TMEM232: variants seen among roughly 807,000 people sequenced by gnomAD.
TMEM232 encodes the protein transmembrane protein 232.
In TMEM232, 80 loss-of-function variants were observed where a neutral mutation model predicts 78.8. The ratio of observed to expected loss-of-function variants is 1.01; its 90% CI spans 0.85 to 1.22. The LOEUF (loss-of-function observed/expected upper bound fraction) is 1.22, where lower values mean the gene tolerates loss of function less well. Among genes scored for constraint, TMEM232 ranks in the 50% most tolerant of loss-of-function variants. The probability of loss-of-function intolerance (pLI) is 0.00; values close to 1 mark genes in which losing one functional copy is unlikely to be tolerated. For missense variants in TMEM232, 881 were observed against 742.2 expected (o/e 1.19, Z -2.17); for synonymous variants, 297 against 254.3 (o/e 1.17, Z -1.60).
chr5:110,501,104 T>C (rs1016563556), intron 12 of TMEM232, among the ~76,000 whole-genome samples: 5 of 152,210 alleles, frequency 3.3e-5, no homozygotes, highest in African/African-American at 1.2e-4. Context: ...GTGACATTCT[T>C]CCCATTGTTT....
intron 12 of TMEM232, among the ~76,000 whole-genome samples, chr5:110,457,943 G>T (rs1335423951): frequency 6.6e-6 from 1 of 151,832 alleles, no homozygotes; most frequent in Admixed American, 6.6e-5. Context: ...ACCCCTTAAG[G>T]ATAGAAATTG....
intron 1 of TMEM232, among the ~76,000 whole-genome samples, chr5:110,690,633 C>A (rs1308336924): frequency 6.6e-6 from 1 of 152,154 alleles, no homozygotes; most frequent in Non-Finnish European, 1.5e-5. Flanking sequence ...GGTATATACC[C>A]AAAGGATTAT....
intron 1 of TMEM232, among the ~76,000 whole-genome samples, chr5:110,690,690 C>G (rs1794012358): frequency 6.6e-6 from 1 of 152,158 alleles, no homozygotes; most frequent in African/African-American, 2.4e-5. Flanking sequence ...CTTATTGCAG[C>G]ACTATTCACA....
chr5:110,401,035 AC>A (rs1174106976), intron 2 of TMEM232, among the ~76,000 whole-genome samples: 1 of 152,002 alleles, frequency 6.6e-6, no homozygotes, highest in African/African-American at 2.4e-5. Context: ...GTATCTTTGT[AC>A]CTTGCATCAC....
chr5:110,480,717 G>T (rs1763767495), intron 12 of TMEM232, among the ~76,000 whole-genome samples: 1 of 151,970 alleles, frequency 6.6e-6, no homozygotes, highest in Non-Finnish European at 1.5e-5. Flanking sequence ...TATACTATAG[G>T]AATGAGATGT....
chr5:110,655,825 A>G (rs1332817673), intron 2 of TMEM232, among the ~76,000 whole-genome samples: 1 of 148,912 alleles, frequency 6.7e-6, no homozygotes, highest in Admixed American at 6.8e-5. Flanking sequence ...CAAACACTGC[A>G]TGTTCTCACT....
intron 10 of TMEM232, among the ~76,000 whole-genome samples, chr5:110,595,282 A>C (rs1402156523): frequency 2.0e-5 from 3 of 152,224 alleles, no homozygotes; most frequent in African/African-American, 7.2e-5. Flanking sequence ...ATCAGCATCA[A>C]AGATCAAAGG....
intron 11 of TMEM232, among the ~76,000 whole-genome samples, chr5:110,554,648 C>G (rs1774860092): frequency 1.3e-5 from 2 of 151,664 alleles, no homozygotes; most frequent in African/African-American, 2.4e-5. Context: ...GTTTTGGTAT[C>G]ACAATGATGC....
intron 8 of TMEM232, among the ~76,000 whole-genome samples, chr5:110,607,884 G>A (rs1303341255): frequency 6.6e-6 from 1 of 151,950 alleles, no homozygotes; most frequent in South Asian, 2.1e-4. Context: ...TTTCAACAAG[G>A]AGGATAAAAA....
At chr5:110,391,291 A>ATGTGTGTGTGTG (rs369913835) in intron 3 of TMEM232, among the ~76,000 whole-genome samples, 60 of 130,664 alleles carry the variant, frequency 4.6e-4, no homozygotes, top group African/African-American at 9.0e-4. Context: ...TCCCGTTTGA[A>ATGTGTGTGTGTG]TGTGTGTGTG....
intron 10 of TMEM232, among the ~76,000 whole-genome samples, chr5:110,572,833 G>C (rs913648577): frequency 1.3e-5 from 2 of 152,052 alleles, no homozygotes; most frequent in African/African-American, 4.8e-5. Flanking sequence ...TATAAAGACA[G>C]ATGGTATGTG....
intron 12 of TMEM232, among the ~76,000 whole-genome samples, chr5:110,499,960 C>T (rs2149440409): frequency 6.6e-6 from 1 of 152,260 alleles, no homozygotes; most frequent in South Asian, 2.1e-4. Context: ...GTACCTAGAG[C>T]ATTTACTAAT....
intron 11 of TMEM232, among the ~76,000 whole-genome samples, chr5:110,544,386 G>T (rs1301048908): frequency 2.6e-5 from 3 of 116,416 alleles, no homozygotes; most frequent in Admixed American, 1.0e-4. Context: ...AATGCAGGAA[G>T]AAAATGCATA....
chr5:110,527,072 G>A (rs1380748469), intron 12 of TMEM232, among the ~76,000 whole-genome samples: 1 of 151,832 alleles, frequency 6.6e-6, no homozygotes, highest in Non-Finnish European at 1.5e-5. Flanking sequence ...AGAAATTACT[G>A]ATGTTATTAC....
intron 12 of TMEM232, among the ~76,000 whole-genome samples, chr5:110,481,926 C>T (rs2029338): frequency 0.33 from 49,454 of 151,994 alleles, 13,993 homozygotes; most frequent in African/African-American, 0.76. Flanking sequence ...TGGCTCTTAG[C>T]GCACACTAGC....
intron 11 of TMEM232, among the ~76,000 whole-genome samples, chr5:110,530,852 G>A (rs1302456698): frequency 1.3e-5 from 2 of 152,154 alleles, no homozygotes; most frequent in Non-Finnish European, 2.9e-5. Flanking sequence ...GAGAGTAGAT[G>A]TTAAATGTTC....
intron 1 of TMEM232, among the ~76,000 whole-genome samples, chr5:110,718,406 T>C (rs545767965): frequency 6.6e-6 from 1 of 152,262 alleles, no homozygotes; most frequent in Non-Finnish European, 1.5e-5. Context: ...TGGATAGCTG[T>C]TAATCTTATT....
intron 1 of TMEM232, among the ~76,000 whole-genome samples, chr5:110,701,073 G>A (rs539555005): frequency 1.3e-5 from 2 of 151,802 alleles, no homozygotes; most frequent in East Asian, 1.9e-4. Flanking sequence ...GAGATTTTCT[G>A]GAACTTTATA....
At chr5:110,612,768 G>A (rs117855323) in intron 8 of TMEM232, among the ~76,000 whole-genome samples, 2,737 of 152,200 alleles carry the variant, frequency 0.018, 29 homozygotes, top group Admixed American at 0.024. Context: ...CATACTGCTC[G>A]AATGAAATGC....
Sources: allele counts gnomAD v4.1 joint callset (sites outside exome capture counted in the v4.1 genomes callset), GRCh38; gene constraint gnomAD v4.1.1; transcripts MANE v1.5; gene names NCBI Gene and HGNC (gene_info 2026-07-23, HGNC 2026-07-21).